Variants in CYP27A1 observed in about 807,000 individuals in gnomAD.
The protein encoded by CYP27A1 is sterol 26-hydroxylase, mitochondrial.
A neutral mutation model predicts 58.2 loss-of-function variants in CYP27A1; 46 were observed. The observed-to-expected ratio is 0.79, with a 90% CI of 0.62 to 1.01. CYP27A1 has a LOEUF of 1.01. Among genes scored for constraint, CYP27A1 ranks in the 50% least tolerant of loss-of-function variants. CYP27A1 has a pLI of 0.00. For synonymous variants in CYP27A1, 274 were observed against 285.1 expected, an observed-to-expected ratio of 0.96 and a Z score of 0.39; for missense variants, 704 against 687.0, an observed-to-expected ratio of 1.02 and a Z score of -0.28.
At chr2:218,784,718 C>A (rs1943426148) in intron 1 of CYP27A1, among the ~76,000 whole-genome samples, 1 of 152,190 alleles carries the variant, frequency 6.6e-6, no homozygotes, top group South Asian at 2.1e-4. Flanking sequence ...AACTTTGGAG[C>A]ACTGATCCCA....
chr2:218,812,847 G>A lies in CYP27A1; in HGVS notation c.845-77G>A, dbSNP rs1943738356. On this transcript the variant is annotated intron_variant, in intron 4 of 8. Transcript: ENST00000258415. ...CCAGGCCTTTTCCCTCATGCTACCA[G>A]TTGTCGGAGTGGCTCTTGGTCCTTG... is the stretch of plus-strand genomic sequence containing the variant. The A allele has an allele frequency of 1.9e-6, 3 of 1,607,764 alleles. No individual in the cohort carries two copies. In the Admixed American group the frequency reaches 5.0e-5, roughly 27 times the overall value.
At chr2:218,787,653 A>C (rs976910953) in intron 1 of CYP27A1, among the ~76,000 whole-genome samples, 2 of 152,194 alleles carry the variant, frequency 1.3e-5, no homozygotes, top group Non-Finnish European at 2.9e-5. Context: ...GGGAGTGGTT[A>C]CTGATAAAAG....
intron 1 of CYP27A1, among the ~76,000 whole-genome samples, chr2:218,791,893 A>G (rs1391850300): frequency 6.6e-6 from 1 of 152,184 alleles, no homozygotes; most frequent in Non-Finnish European, 1.5e-5. Context: ...AAGCTTTTAT[A>G]CAACCAGACG....
intron 1 of CYP27A1, among the ~76,000 whole-genome samples, chr2:218,786,339 C>T (rs1414793372): frequency 6.6e-6 from 1 of 152,210 alleles, no homozygotes; most frequent in Non-Finnish European, 1.5e-5. Flanking sequence ...GTCTGCCACA[C>T]AAAGGGGAGG....
At chr2:218,792,091 T>C (rs1179561470) in intron 1 of CYP27A1, among the ~76,000 whole-genome samples, 1 of 151,890 alleles carries the variant, frequency 6.6e-6, no homozygotes, top group African/African-American at 2.4e-5. Context: ...ACACATTTAA[T>C]TTGGATCATT....
chr2:218,812,533 G>A lies in CYP27A1; in HGVS notation c.647-19G>A, dbSNP rs768780400. The stretch of plus-strand genomic sequence containing the variant: ...TGTCCTGGTTCTGCCTCCTGTGATG[G>A]CCTCTGTGCACTACTCAGCTATTTG... On this transcript the variant is annotated intron_variant, in intron 3 of 8. Coordinates refer to ENST00000258415, the MANE Select transcript of CYP27A1 (RefSeq NM_000784.4). 1.9e-6 allele frequency: 3 copies of A among 1,613,982 alleles called. No homozygotes were observed. Among genetic ancestry groups the A allele is most frequent in the Non-Finnish European group, 2.5e-6 (3 of 1,179,884 alleles).
chr2:218,814,295 AG>A, intron 6 of CYP27A1, 84 bp from the exon 7 acceptor site: 1 of 1,596,764 alleles, frequency 6.3e-7, no homozygotes, highest in Non-Finnish European at 8.6e-7. Context: ...GACAAGGATG[AG>A]ATGGGAGAGG....
Position 218,814,654 on chromosome 2 carries a change from C to A in CYP27A1, c.1373C>A (p.Pro458His), listed in dbSNP as rs781360671. The A allele has an allele frequency of 6.2e-7, 1 of 1,614,252 alleles. No individual in the cohort carries two copies. The highest frequency in any genetic ancestry group is 8.5e-7 in the Non-Finnish European group (1 of 1,180,040). ...CTGAGAAACAGCCAGCCTGCTACCCCCAGGATCCAGCACCCATTTGGCTCT... is the reference window on the plus strand; with the variant it reads ...CTGAGAAACAGCCAGCCTGCTACCCACAGGATCCAGCACCCATTTGGCTCT... Reference protein sequence around the residue: ...RWLRNSQPATPRIQHPFGSVP... With the variant: ...RWLRNSQPATHRIQHPFGSVP... The change falls in exon 8 of 9, where the codon CCC becomes CAC. Residue 458 changes from proline (P) to histidine (H), a missense_variant. By Grantham distance (77) the Pro-to-His change is moderately conservative. Coordinates refer to ENST00000258415, the MANE Select transcript of CYP27A1 (RefSeq NM_000784.4).
chr2:218,800,064 T>G (rs1943584423), intron 1 of CYP27A1, among the ~76,000 whole-genome samples: 1 of 152,200 alleles, frequency 6.6e-6, no homozygotes, highest in South Asian at 2.1e-4. Context: ...CCTCCATTGC[T>G]GAGAAACTCC....
chr2:218,806,951 ATTTTTT>A (rs10647379), intron 1 of CYP27A1, among the ~76,000 whole-genome samples: 2 of 100,512 alleles, frequency 2.0e-5, no homozygotes, highest in African/African-American at 8.4e-5. Context: ...CTCCTAGGGA[ATTTTTT>A]TTTTTTTTTT....
chr2:218,793,403 G>A (rs1943515490), intron 1 of CYP27A1, among the ~76,000 whole-genome samples: 1 of 152,080 alleles, frequency 6.6e-6, no homozygotes, highest in Non-Finnish European at 1.5e-5. Context: ...CAAAAAACCT[G>A]TACTCTTTGA....
chr2:218,798,224 C>G (rs951974580), intron 1 of CYP27A1, among the ~76,000 whole-genome samples: 2 of 152,192 alleles, frequency 1.3e-5, no homozygotes, highest in Non-Finnish European at 2.9e-5. Flanking sequence ...AGGCTAGTCT[C>G]AAGCTCCTGA....
chr2:218,787,358 T>C (rs1300527317), intron 1 of CYP27A1, among the ~76,000 whole-genome samples: 2 of 152,196 alleles, frequency 1.3e-5, no homozygotes, highest in Non-Finnish European at 2.9e-5. Flanking sequence ...GGTGGGCAGA[T>C]TGAACAAGCC....
In CYP27A1 at chr2:218,782,939, G is replaced by C. The variant is rs557479271; in HGVS notation, c.255+502G>C. Among the ~76,000 whole-genome samples, 3 of 152,196 alleles carry C rather than the reference G, an allele frequency of 2.0e-5. No homozygotes were observed. The highest frequency in any genetic ancestry group is 2.0e-4 in the Admixed American group (3 of 15,290). ...TGGAAGCAAACTCACAGACAGTAAGGAAAAGGTACTTTTTGTTATTAAGAA... is the reference window on the plus strand; with the variant it reads ...TGGAAGCAAACTCACAGACAGTAAGCAAAAGGTACTTTTTGTTATTAAGAA... On this transcript the variant is annotated intron_variant, in intron 1 of 8. Coordinates refer to ENST00000258415, the MANE Select transcript of CYP27A1 (RefSeq NM_000784.4). This position sits in a 1 kb window ranked among gnomAD's most constrained non-coding sequence, Gnocchi z 4.1.
chr2:218,793,171 G>A (rs572012037), intron 1 of CYP27A1, among the ~76,000 whole-genome samples: 1 of 152,176 alleles, frequency 6.6e-6, no homozygotes, highest in African/African-American at 2.4e-5. Context: ...CGCTTCCTGG[G>A]TTCAAGTGAT....
Position 218,782,409 on chromosome 2 carries a change from G to A in CYP27A1, c.227G>A (p.Gly76Asp). Reference protein sequence around the residue: ...LRFFFQLFVQGYALQLHQLQV... With the variant: ...LRFFFQLFVQDYALQLHQLQV... The stretch of plus-strand genomic sequence containing the variant: ...TTCTTCTTTCAGCTGTTCGTTCAAG[G>A]CTATGCCCTGCAACTGCACCAGTTA... Residue 76 changes from glycine to aspartate, a missense_variant, in exon 1 of 9, where the codon GGC (glycine) becomes GAC (aspartate). Gly to Asp is a moderately conservative substitution (Grantham distance 94). Coordinates refer to ENST00000258415, the MANE Select transcript of CYP27A1 (RefSeq NM_000784.4). The surrounding 1 kb of genome is among the most constrained non-coding windows in gnomAD (Gnocchi z 4.1). The A allele has an allele frequency of 1.2e-6, 2 of 1,614,248 alleles. No homozygotes were observed. Among genetic ancestry groups the A allele is most frequent in the Non-Finnish European group, 1.7e-6 (2 of 1,180,040 alleles).
intron 1 of CYP27A1, among the ~76,000 whole-genome samples, chr2:218,786,444 C>G (rs1240865267): frequency 6.6e-6 from 1 of 152,132 alleles, no homozygotes; most frequent in Non-Finnish European, 1.5e-5. Flanking sequence ...TAAAAATCAG[C>G]TTTGAGAAGC....
rs563128340 is a variant in CYP27A1, at chr2:218,786,300, G to A, written c.255+3863G>A. Among the ~76,000 whole-genome samples, 8 of 152,280 alleles carry A rather than the reference G, an allele frequency of 5.3e-5. No individual in the cohort carries two copies. In the South Asian group the frequency reaches 1.7e-3, roughly 32 times the overall value. ...CTGTGGAGGTTCACCCTCAAGCTGG[G>A]ATTAGGGTCCCTCCCACCCAAACCA... On this transcript the variant is annotated intron_variant, in intron 1 of 8. Coordinates refer to ENST00000258415, the MANE Select transcript of CYP27A1 (RefSeq NM_000784.4).
rs548403079 is a variant in CYP27A1 at position 218,796,485 on chromosome 2, T to C, written c.256-13092T>C. Among the ~76,000 whole-genome samples the C allele has an allele frequency of 1.6e-4, 25 of 152,128 alleles. 1 individual carries two copies. In the South Asian group the frequency reaches 5.0e-3, roughly 30 times the overall value. ...GGTACACACCTATAGTTCCAGCTAC[T>C]TGGGAAGCTGAGGCAGGAGAATCAC... On this transcript the variant is annotated intron_variant, in intron 1 of 8. Coordinates refer to ENST00000258415, the MANE Select transcript of CYP27A1 (RefSeq NM_000784.4).
Sources: gnomAD v4.1 joint callset for allele counts (sites outside exome capture counted in the v4.1 genomes callset) on GRCh38, gnomAD v4.1.1 for gene constraint, Gnocchi (gnomAD v3.1) non-coding constraint, MANE v1.5 for transcripts, NCBI Gene and HGNC (gene_info 2026-07-23, HGNC 2026-07-21) for gene names.